The following PACS1 variants were observed in gnomAD, a reference collection of about 807,000 sequenced individuals.
PACS1 encodes phosphofurin acidic cluster sorting protein 1.
PACS1 carries 24 observed loss-of-function variants against 115.0 expected under a neutral mutation model. The ratio of observed to expected loss-of-function variants is 0.21; its 90% CI spans 0.15 to 0.29. The LOEUF is 0.29. Among genes scored for constraint, PACS1 ranks in the 10% least tolerant of loss-of-function variants. The probability of loss-of-function intolerance (pLI) is 1.00; values close to 1 mark genes in which losing one functional copy is unlikely to be tolerated. For missense variants in PACS1, 838 were observed against 1,251.2 expected, an observed-to-expected ratio of 0.67 and a Z score of 4.98; for synonymous variants, 453 against 504.5, an observed-to-expected ratio of 0.90 and a Z score of 1.37.
At chr11:66,143,075 G>T (rs1204165773) in intron 1 of PACS1, among the ~76,000 whole-genome samples, 1 of 152,062 alleles carries the variant, frequency 6.6e-6, no homozygotes, top group Non-Finnish European at 1.5e-5. Context: ...TTTTTAAACT[G>T]CAGTAAGGTG....
intron 1 of PACS1, among the ~76,000 whole-genome samples, chr11:66,170,491 T>C (rs1037185920): frequency 3.3e-5 from 5 of 150,716 alleles, no homozygotes; most frequent in African/African-American, 1.2e-4. Context: ...ATTTATATTA[T>C]AACTTCTTCT....
At chr11:66,192,737 C>G (rs950311934) in intron 1 of PACS1, among the ~76,000 whole-genome samples, 10 of 152,208 alleles carry the variant, frequency 6.6e-5, no homozygotes, top group Non-Finnish European at 1.0e-4. Context: ...CTTCCAGAGT[C>G]TCCCTCCCAC....
chr11:66,168,867 T>C (rs535860586), intron 1 of PACS1, among the ~76,000 whole-genome samples: 2 of 150,452 alleles, frequency 1.3e-5, no homozygotes, highest in South Asian at 4.1e-4. Flanking sequence ...GTTTCAGAAA[T>C]CTAGCAACCT....
At chr11:66,079,055 A>G (rs532712109) in intron 1 of PACS1, among the ~76,000 whole-genome samples, 2 of 152,252 alleles carry the variant, frequency 1.3e-5, no homozygotes, top group Admixed American at 6.5e-5. Context: ...TTACAGGTGC[A>G]TACCACCATG....
chr11:66,134,047 G>T (rs1016232632), intron 1 of PACS1, among the ~76,000 whole-genome samples: 2 of 151,854 alleles, frequency 1.3e-5, no homozygotes, highest in South Asian at 4.1e-4. Flanking sequence ...ACATAAGCAT[G>T]AAATGCCTAT....
At chr11:66,120,316 T>C (rs1398741924) in intron 1 of PACS1, among the ~76,000 whole-genome samples, 1 of 152,084 alleles carries the variant, frequency 6.6e-6, no homozygotes, top group Non-Finnish European at 1.5e-5. Context: ...AGGCTGTTCT[T>C]GAACTCCTGA....
chr11:66,237,453 C>G (rs1002343735), intron 19 of PACS1, among the ~76,000 whole-genome samples: 8 of 152,236 alleles, frequency 5.3e-5, no homozygotes, highest in African/African-American at 1.9e-4. Context: ...TAGCTCCCTG[C>G]TCTCCCTGCT....
At chr11:66,071,241 G>C (rs558568231) in intron 1 of PACS1, among the ~76,000 whole-genome samples, 25 of 152,306 alleles carry the variant, frequency 1.6e-4, no homozygotes, top group Non-Finnish European at 2.6e-4. Flanking sequence ...AATAGACTCA[G>C]CATGTGCCAA....
chr11:66,122,499 A>C (rs1020973096), intron 1 of PACS1, among the ~76,000 whole-genome samples: 5 of 152,360 alleles, frequency 3.3e-5, no homozygotes, highest in African/African-American at 1.2e-4. Context: ...GATTCCTTTC[A>C]TGGATCTGGG....
intron 1 of PACS1, among the ~76,000 whole-genome samples, chr11:66,154,476 G>GT (rs977814643): frequency 2.8e-4 from 42 of 152,234 alleles, no homozygotes; most frequent in African/African-American, 9.9e-4. Flanking sequence ...GGACTGGTAA[G>GT]TGAGTTTAGC....
At chr11:66,177,436 C>T (rs1859893237) in intron 1 of PACS1, among the ~76,000 whole-genome samples, 1 of 152,088 alleles carries the variant, frequency 6.6e-6, no homozygotes, top group Admixed American at 6.6e-5. Context: ...GGTGATCTAC[C>T]CGTCTTGGCC....
At chr11:66,206,481 G>A (rs774991943) in intron 2 of PACS1, among the ~76,000 whole-genome samples, 12 of 152,096 alleles carry the variant, frequency 7.9e-5, no homozygotes, top group Non-Finnish European at 1.3e-4. Flanking sequence ...CTGCGATCCC[G>A]TGACACACTG....
At chr11:66,241,879 T>A (rs1486871028) in intron 22 of PACS1, among the ~76,000 whole-genome samples, 1 of 152,150 alleles carries the variant, frequency 6.6e-6, no homozygotes, top group Non-Finnish European at 1.5e-5. Context: ...CACTCTCTGC[T>A]GAGCTCCAGT....
At chr11:66,131,557 A>G (rs1590765522) in intron 1 of PACS1, among the ~76,000 whole-genome samples, 1 of 152,146 alleles carries the variant, frequency 6.6e-6, no homozygotes, top group African/African-American at 2.4e-5. Flanking sequence ...TTCAGCAGAA[A>G]TCTTTTGTTT....
intron 1 of PACS1, among the ~76,000 whole-genome samples, chr11:66,124,305 G>T (rs1194773916): frequency 6.6e-6 from 1 of 152,190 alleles, no homozygotes; most frequent in African/African-American, 2.4e-5. Flanking sequence ...AAGAGTTCCA[G>T]GCAGAGAAAA....
At chr11:66,076,791 C>T (rs774736856) in intron 1 of PACS1, among the ~76,000 whole-genome samples, 17 of 152,246 alleles carry the variant, frequency 1.1e-4, no homozygotes, top group Non-Finnish European at 2.4e-4. Context: ...CATGTTGTCA[C>T]ATTCCGGAAA....
chr11:66,232,401 A>G (rs1855615991), intron 14 of PACS1, 125 bp downstream of exon 14: 1 of 624,034 alleles, frequency 1.6e-6, no homozygotes, highest in Non-Finnish European at 2.9e-6. Context: ...ATCAGCCCCC[A>G]CCTGCTCTGA....
At chr11:66,148,125 G>A (rs1565124499) in intron 1 of PACS1, among the ~76,000 whole-genome samples, 2 of 152,086 alleles carry the variant, frequency 1.3e-5, no homozygotes, top group Non-Finnish European at 2.9e-5. Context: ...TTGGGCAGTA[G>A]CCATTAAAAA....
At chr11:66,110,301 AAT>A (rs958654481) in intron 1 of PACS1, among the ~76,000 whole-genome samples, 1 of 152,044 alleles carries the variant, frequency 6.6e-6, no homozygotes, top group African/African-American at 2.4e-5. Context: ...TAAAAAAAAA[AAT>A]TTTTTTTATA....
Sources: gnomAD v4.1 joint callset for allele counts (sites outside exome capture counted in the v4.1 genomes callset) on GRCh38, gnomAD v4.1.1 for gene constraint, MANE v1.5 for transcripts, NCBI Gene and HGNC (gene_info 2026-07-23, HGNC 2026-07-21) for gene names.